The following PDE7B variants were observed in gnomAD, a reference collection of about 807,000 sequenced individuals.
PDE7B encodes 3',5'-cyclic-AMP phosphodiesterase 7B.
A neutral mutation model predicts 56.2 loss-of-function variants in PDE7B; 29 were observed. The observed-to-expected ratio is 0.52, with a 90% CI of 0.38 to 0.70. PDE7B has a LOEUF of 0.70. Among genes scored for constraint, PDE7B ranks in the 30% least tolerant of loss-of-function variants. The pLI is 0.00. For missense variants in PDE7B, 490 were observed against 565.0 expected (o/e 0.87, Z 1.35); for synonymous variants, 197 against 196.9 (o/e 1.00, Z 0.00).
intron 2 of PDE7B, among the ~76,000 whole-genome samples, chr6:135,991,069 G>C (rs933143335): frequency 3.9e-5 from 6 of 152,186 alleles, no homozygotes; most frequent in African/African-American, 1.4e-4. Flanking sequence ...TTTGTAAACT[G>C]TCATGGCACT....
At chr6:135,867,653 A>G (rs1030420468) in intron 1 of PDE7B, among the ~76,000 whole-genome samples, 1 of 152,220 alleles carries the variant, frequency 6.6e-6, no homozygotes, top group East Asian at 1.9e-4. Context: ...ATGAAACGTT[A>G]CTCTTCTCCG....
At chr6:135,923,625 A>G (rs1450494890) in intron 1 of PDE7B, among the ~76,000 whole-genome samples, 2 of 152,192 alleles carry the variant, frequency 1.3e-5, no homozygotes, top group Non-Finnish European at 2.9e-5. Flanking sequence ...AGAACAATAT[A>G]AAATAGAAAG....
Position 136,144,966 on chromosome 6 carries a change from C to A in PDE7B, c.167-2385C>A, listed in dbSNP as rs1778390133. Among the ~76,000 whole-genome samples the A allele has an allele frequency of 3.3e-5, 5 of 152,152 alleles. No individual in the cohort carries two copies. The South Asian group carries it at 1.0e-3, about 32-fold the overall frequency. The stretch of plus-strand genomic sequence containing the variant: ...TCCACTAAAAACTACCCATTTTTTT[C>A]TTCTCCAATTAATAAGTCTTCTGTG... On this transcript the variant is annotated intron_variant, in intron 3 of 12. Coordinates refer to ENST00000308191, the MANE Select transcript of PDE7B (RefSeq NM_018945.4).
intron 3 of PDE7B, among the ~76,000 whole-genome samples, chr6:136,127,012 C>T (rs370737507): frequency 2.0e-5 from 3 of 152,166 alleles, no homozygotes; most frequent in South Asian, 4.2e-4. Flanking sequence ...TATATACATA[C>T]CTACTATGTA....
At chr6:135,981,957 T>C (rs1190128703) in intron 2 of PDE7B, among the ~76,000 whole-genome samples, 1 of 152,130 alleles carries the variant, frequency 6.6e-6, no homozygotes, top group East Asian at 1.9e-4. Context: ...AACAGTGCGA[T>C]GCACTGTGCT....
At chr6:135,887,177 A>G (rs1775724537) in intron 1 of PDE7B, among the ~76,000 whole-genome samples, 1 of 152,082 alleles carries the variant, frequency 6.6e-6, no homozygotes, top group South Asian at 2.1e-4. Flanking sequence ...AGAAATGCCT[A>G]TTCATGTCCT....
intron 1 of PDE7B, among the ~76,000 whole-genome samples, chr6:135,917,827 G>T (rs935911389): frequency 1.3e-5 from 2 of 152,130 alleles, no homozygotes; most frequent in Admixed American, 6.5e-5. Flanking sequence ...GACATAGTCT[G>T]CAGGGCTAAA....
rs368981108 is a variant in PDE7B at position 136,146,220 on chromosome 6, G to A, written c.167-1131G>A. Among the ~76,000 whole-genome samples, 80 of 152,262 alleles carry A rather than the reference G, an allele frequency of 5.3e-4. No individual in the cohort carries two copies. The South Asian group carries it at 6.2e-3, about 12-fold the overall frequency. On this transcript the variant is annotated intron_variant, in intron 3 of 12. Coordinates refer to ENST00000308191, the MANE Select transcript of PDE7B (RefSeq NM_018945.4). The stretch of plus-strand genomic sequence containing the variant: ...GCCCAAATTACTTTACATATGAGCC[G>A]TACATTTCCTACTAGACTGTTAAAC...
At chr6:135,888,451 C>T (rs577352484) in intron 1 of PDE7B, among the ~76,000 whole-genome samples, 5 of 151,152 alleles carry the variant, frequency 3.3e-5, no homozygotes, top group African/African-American at 7.3e-5. Context: ...GAAATACACA[C>T]GTGTGTGTGT....
intron 1 of PDE7B, among the ~76,000 whole-genome samples, chr6:135,934,542 C>T (rs1305578852): frequency 2.0e-5 from 3 of 150,538 alleles, no homozygotes; most frequent in Non-Finnish European, 4.4e-5. Context: ...GTCTGGCCAA[C>T]GTGGTGAAAC....
intron 1 of PDE7B, among the ~76,000 whole-genome samples, chr6:135,907,052 A>G (rs1776128875): frequency 6.6e-6 from 1 of 151,330 alleles, no homozygotes; most frequent in African/African-American, 2.5e-5. Flanking sequence ...CAACTGATGA[A>G]TGCTGGTCCT....
chr6:135,935,312 T>C (rs1026131810), intron 1 of PDE7B, among the ~76,000 whole-genome samples: 5 of 147,512 alleles, frequency 3.4e-5, no homozygotes, highest in Non-Finnish European at 7.4e-5. Context: ...CCTTCAGGTT[T>C]GACTCCACCT....
At chr6:136,121,828 C>T (rs1187270543) in intron 3 of PDE7B, among the ~76,000 whole-genome samples, 4 of 151,920 alleles carry the variant, frequency 2.6e-5, no homozygotes, top group Admixed American at 1.3e-4. Flanking sequence ...ATGCTGAATA[C>T]GTTTAAAGGG....
chr6:136,086,380 T>TA (rs1265711994), intron 2 of PDE7B, among the ~76,000 whole-genome samples: 3 of 151,920 alleles, frequency 2.0e-5, no homozygotes, highest in Non-Finnish European at 4.4e-5. Flanking sequence ...TGGGGGGGAT[T>TA]TAAGGAGTGG....
At chr6:136,025,008 A>G (rs1776128696) in intron 2 of PDE7B, among the ~76,000 whole-genome samples, 1 of 152,216 alleles carries the variant, frequency 6.6e-6, no homozygotes, top group African/African-American at 2.4e-5. Context: ...TTTACCAACC[A>G]TGTTAATGGG....
intron 1 of PDE7B, among the ~76,000 whole-genome samples, chr6:135,862,204 A>T (rs1775163015): frequency 1.3e-5 from 2 of 151,790 alleles, no homozygotes; most frequent in Non-Finnish European, 3.0e-5. Context: ...TTCTACCACT[A>T]AGTTTGATAT....
chr6:135,985,011 C>T (rs932983798), intron 2 of PDE7B, among the ~76,000 whole-genome samples: 2 of 152,104 alleles, frequency 1.3e-5, no homozygotes, highest in Admixed American at 1.3e-4. Context: ...GAAGAACTTT[C>T]TAGAACTGTT....
chr6:135,940,908 C>T (rs1206787676), intron 1 of PDE7B, among the ~76,000 whole-genome samples: 2 of 152,152 alleles, frequency 1.3e-5, no homozygotes, highest in Non-Finnish European at 2.9e-5. Flanking sequence ...TTGGGAGCGC[C>T]CATTATGCAT....
In PDE7B at chr6:135,961,365, ATCC is replaced by A. The variant is rs140732369; in HGVS notation, c.82+13846_82+13848del. ...TTTTCCAAACTGGCTATACCAATTT[ATCC>A]TCCTACCAGCTGTGTACAAAAGTCC... is the stretch of plus-strand genomic sequence containing the variant. On this transcript the variant is annotated intron_variant, in intron 2 of 12. Coordinates refer to ENST00000308191, the MANE Select transcript of PDE7B (RefSeq NM_018945.4). Among the ~76,000 whole-genome samples, 548 of 151,426 alleles carry A rather than the reference ATCC, an allele frequency of 3.6e-3. 8 individuals carry two copies. The highest frequency in any genetic ancestry group is 0.013 in the African/African-American group (526 of 41,254).
Sources: gnomAD v4.1 joint callset for allele counts (sites outside exome capture counted in the v4.1 genomes callset) on GRCh38, gnomAD v4.1.1 for gene constraint, MANE v1.5 for transcripts, NCBI Gene and HGNC (gene_info 2026-07-23, HGNC 2026-07-21) for gene names.